Variants in AASDH observed in about 807,000 individuals in gnomAD.
AASDH encodes the protein beta-alanine-activating enzyme.
AASDH carries 81 observed loss-of-function variants against 102.3 expected under a neutral mutation model. That is an observed-to-expected ratio of 0.79 (90% CI 0.66 to 0.95). The LOEUF is 0.95. AASDH is among the 40% of genes least tolerant of loss of function. The pLI is 0.00. For synonymous variants in AASDH, 398 were observed against 454.0 expected, an observed-to-expected ratio of 0.88 and a Z score of 1.57; for missense variants, 1,203 against 1,266.2, an observed-to-expected ratio of 0.95 and a Z score of 0.76.
At chr4:56,339,765 A>AAT (rs1553924550) in intron 14 of AASDH, among the ~76,000 whole-genome samples, 2 of 151,314 alleles carry the variant, frequency 1.3e-5, no homozygotes, top group African/African-American at 4.9e-5. Context: ...AAAAAAAAAA[A>AAT]TTGAGACCAG....
At chr4:56,343,062 T>C in intron 13 of AASDH, 96 bp from the exon 14 acceptor site, 1 of 1,229,442 alleles carries the variant, frequency 8.1e-7, no homozygotes, top group Non-Finnish European at 1.1e-6. Flanking sequence ...GGGTTAGAAC[T>C]AAAATAGCAG....
chr4:56,375,680 A>T (rs1752252646), intron 4 of AASDH, among the ~76,000 whole-genome samples: 1 of 151,776 alleles, frequency 6.6e-6, no homozygotes, highest in African/African-American at 2.4e-5. Flanking sequence ...CAGATTCCTT[A>T]TCTGCTTCAT....
chr4:56,357,590 G>C (rs577662903), intron 5 of AASDH, among the ~76,000 whole-genome samples: 5 of 150,774 alleles, frequency 3.3e-5, no homozygotes, highest in Non-Finnish European at 7.4e-5. Flanking sequence ...ATTTTCTGTC[G>C]CTACAGATCA....
At position 56,382,593 on chromosome 4, in the gene AASDH, G is replaced by T; in HGVS notation, c.235C>A (p.Leu79Ile). 4 of 1,605,356 alleles carry T rather than the reference G, an allele frequency of 2.5e-6. No homozygotes were observed. Among genetic ancestry groups the T allele is most frequent in the Non-Finnish European group, 3.4e-6 (4 of 1,177,778 alleles). ...GGTACATAAGCAGCCGGGACTTGGA[G>T]AATTCTAAAGAAAAAAGTACACAGT... The part of the protein sequence containing the change: ...IDLPSWILGI[L>I]QVPAAYVPIE... The change falls in exon 3 of 15, where the codon CTC becomes ATC. Residue 79 changes from leucine (L) to isoleucine (I), a missense_variant. Transcript: ENST00000205214.
chr4:56,376,458 A>G (rs540158544), intron 4 of AASDH, among the ~76,000 whole-genome samples: 121 of 152,318 alleles, frequency 7.9e-4, no homozygotes, highest in Non-Finnish European at 1.5e-4. Flanking sequence ...TCTTATCTCC[A>G]GCCTAATGTA....
At chr4:56,385,244 AAC>A (rs769337265) in intron 1 of AASDH, among the ~76,000 whole-genome samples, 13 of 152,298 alleles carry the variant, frequency 8.5e-5, no homozygotes, top group East Asian at 3.9e-4. Context: ...TATATATAAA[AAC>A]AGTGTTTATT....
Position 56,378,203 on chromosome 4 carries a change from G to A in AASDH, c.613C>T (p.Pro205Ser). Residue 205 changes from proline to serine, a missense_variant, in exon 4 of 15, where the codon CCG (proline) becomes TCG (serine). Transcript: ENST00000205214. ...VLHTSGTTGI[P>S]KIVRVPHKCI... ...TTATGAGGCACTCTGACAATCTTCG[G>A]TATCCCTGTAGTCCCTGATGTATGT... 1.2e-6 allele frequency: 2 copies of A among 1,613,430 alleles called. No homozygotes were observed. The highest frequency in any genetic ancestry group is 1.7e-6 in the Non-Finnish European group (2 of 1,179,808).
intron 5 of AASDH, among the ~76,000 whole-genome samples, chr4:56,364,038 T>G (rs1750672988): frequency 6.6e-6 from 1 of 151,946 alleles, no homozygotes; most frequent in Admixed American, 6.6e-5. Flanking sequence ...GGATCTGAGC[T>G]GAAAACCATG....
At chr4:56,358,304 T>A (rs1273709453) in intron 5 of AASDH, among the ~76,000 whole-genome samples, 1 of 151,520 alleles carries the variant, frequency 6.6e-6, no homozygotes, top group Non-Finnish European at 1.5e-5. Flanking sequence ...ATATAAAGAG[T>A]TGTACTTCCT....
chr4:56,354,008 TAA>T, intron 8 of AASDH, 29 bp downstream of exon 8: 2 of 1,563,658 alleles, frequency 1.3e-6, no homozygotes, highest in South Asian at 2.5e-5. Flanking sequence ...TTACATATAT[TAA>T]TAGATATTCA....
At chr4:56,362,427 G>C (rs1750418311) in intron 5 of AASDH, among the ~76,000 whole-genome samples, 1 of 152,054 alleles carries the variant, frequency 6.6e-6, no homozygotes, top group Admixed American at 6.5e-5. Flanking sequence ...ACCATGCCTG[G>C]CTAATTTTTG....
chr4:56,339,292 C>G (rs909460498), intron 14 of AASDH, among the ~76,000 whole-genome samples: 1 of 151,666 alleles, frequency 6.6e-6, no homozygotes, highest in Non-Finnish European at 1.5e-5. Flanking sequence ...TAGCTAGGCG[C>G]GTGCCACCAC....
intron 9 of AASDH, 146 bp from the exon 10 acceptor site, chr4:56,351,603 A>T (rs1020240366): frequency 5.3e-6 from 3 of 565,772 alleles, no homozygotes; most frequent in African/African-American, 1.9e-5. Flanking sequence ...AATTCTAAAA[A>T]GTTGTCTGAT....
chr4:56,386,799 CAAA>C (rs386400124), intron 1 of AASDH, among the ~76,000 whole-genome samples: 57 of 48,820 alleles, frequency 1.2e-3, no homozygotes, highest in South Asian at 2.5e-3. Context: ...GACTCCGTCT[CAAA>C]AAAAAAAAAA....
intron 4 of AASDH, among the ~76,000 whole-genome samples, chr4:56,374,546 C>A (rs543550395): frequency 4.6e-5 from 7 of 152,054 alleles, no homozygotes; most frequent in Non-Finnish European, 1.0e-4. Flanking sequence ...GACCACTGCA[C>A]CTGCATACCC....
At chr4:56,339,007 G>GTGT (rs1307681070) in intron 14 of AASDH, among the ~76,000 whole-genome samples, 2 of 152,134 alleles carry the variant, frequency 1.3e-5, no homozygotes, top group East Asian at 1.9e-4. Flanking sequence ...ATATACTGGA[G>GTGT]TGTTGTTACT....
chr4:56,380,744 T>C (rs1752856859), intron 3 of AASDH, among the ~76,000 whole-genome samples: 1 of 152,226 alleles, frequency 6.6e-6, no homozygotes, highest in Admixed American at 6.5e-5. Context: ...TCAACACTAC[T>C]GATATTTTGG....
intron 9 of AASDH, among the ~76,000 whole-genome samples, chr4:56,351,917 C>CAAAAAAAAA (rs34850926): frequency 1.0e-5 from 1 of 99,438 alleles, no homozygotes. Flanking sequence ...ACCCTATCTC[C>CAAAAAAAAA]AAAAAAAAAA....
Position 56,345,935 on chromosome 4 carries a change from G to A in AASDH, c.2489-645C>T, listed in dbSNP as rs550344766. ...AGCACAGAGAGACTAAATTACTGGG[G>A]AAAAATTACACAGCTCATATGTGGC... is the stretch of plus-strand genomic sequence containing the variant. On this transcript the variant is annotated intron_variant, in intron 11 of 14. Transcript: ENST00000205214. Among the ~76,000 whole-genome samples the A allele has an allele frequency of 2.0e-5, 3 of 152,298 alleles. No homozygotes were observed. In the South Asian group the frequency reaches 6.2e-4, roughly 32 times the overall value.
Sources: gnomAD v4.1 joint callset for allele counts (sites outside exome capture counted in the v4.1 genomes callset) on GRCh38, gnomAD v4.1.1 for gene constraint, MANE v1.5 for transcripts, NCBI Gene and HGNC (gene_info 2026-07-23, HGNC 2026-07-21) for gene names.